Variants in CNBD1 observed in about 807,000 individuals in gnomAD.
CNBD1 encodes cyclic nucleotide binding domain containing 1.
In CNBD1, 71 loss-of-function variants were observed where a neutral mutation model predicts 54.4. The observed-to-expected ratio is 1.30, with a 90% CI of 1.08 to 1.59. The LOEUF (loss-of-function observed/expected upper bound fraction) is 1.59. Among genes scored for constraint, CNBD1 ranks in the 40% most tolerant of loss-of-function variants. The pLI is 0.00. For synonymous variants in CNBD1, 182 were observed against 170.7 expected, an observed-to-expected ratio of 1.07 and a Z score of -0.51; for missense variants, 659 against 518.0, an observed-to-expected ratio of 1.27 and a Z score of -2.64.
intron 4 of CNBD1, among the ~76,000 whole-genome samples, chr8:87,063,785 G>A (rs79198363): frequency 6.6e-6 from 1 of 151,838 alleles, no homozygotes; most frequent in Non-Finnish European, 1.5e-5. Flanking sequence ...TCTCTCAATA[G>A]AGTTTATAAT....
At chr8:87,001,180 G>T (rs1383263524) in intron 4 of CNBD1, among the ~76,000 whole-genome samples, 1 of 151,554 alleles carries the variant, frequency 6.6e-6, no homozygotes, top group African/African-American at 2.4e-5. Context: ...TTCTGTTATT[G>T]CTTTTATTTT....
At chr8:87,219,111 T>A (rs781179273) in intron 5 of CNBD1, among the ~76,000 whole-genome samples, 162 of 152,192 alleles carry the variant, frequency 1.1e-3, no homozygotes, top group Non-Finnish European at 2.1e-3. Flanking sequence ...TATATATTTT[T>A]AAATCTGACT....
chr8:87,421,736 C>A (rs1329368454), intron 2 of CNBD1, among the ~76,000 whole-genome samples: 1 of 148,222 alleles, frequency 6.7e-6, no homozygotes, highest in African/African-American at 2.5e-5. Context: ...AATAAACATA[C>A]GTGTGCATGT....
intron 4 of CNBD1, among the ~76,000 whole-genome samples, chr8:87,056,765 G>A (rs1810424649): frequency 6.6e-6 from 1 of 151,848 alleles, no homozygotes; most frequent in African/African-American, 2.4e-5. Flanking sequence ...ATATTTTAGA[G>A]GTAGAATTTT....
At chr8:87,040,949 A>G (rs1810054254) in intron 4 of CNBD1, among the ~76,000 whole-genome samples, 1 of 152,044 alleles carries the variant, frequency 6.6e-6, no homozygotes, top group African/African-American at 2.4e-5. Context: ...AGTTAAAATA[A>G]TTTATTGCCT....
intron 8 of CNBD1, among the ~76,000 whole-genome samples, chr8:87,347,586 G>A (rs745336705): frequency 2.0e-5 from 3 of 152,170 alleles, no homozygotes; most frequent in Admixed American, 6.5e-5. Flanking sequence ...AAGCTAGAAG[G>A]AGCAGTATAG....
chr8:87,224,166 C>T (rs1018633862), intron 5 of CNBD1, among the ~76,000 whole-genome samples: 27 of 151,884 alleles, frequency 1.8e-4, no homozygotes, highest in South Asian at 2.1e-4. Context: ...GGGTAGGTTG[C>T]GAAAATTTTC....
chr8:87,381,954 G>A (rs372959459), intron 10 of CNBD1, among the ~76,000 whole-genome samples: 2 of 151,784 alleles, frequency 1.3e-5, no homozygotes, highest in Non-Finnish European at 2.9e-5. Context: ...CAACAATATT[G>A]TATTGTACAC....
At chr8:87,159,650 T>C (rs1812815192) in intron 4 of CNBD1, among the ~76,000 whole-genome samples, 1 of 152,040 alleles carries the variant, frequency 6.6e-6, no homozygotes, top group Admixed American at 6.6e-5. Context: ...GGTGTGGAAA[T>C]TGCTCTTTTG....
intron 4 of CNBD1, among the ~76,000 whole-genome samples, chr8:86,999,500 G>A (rs1563853191): frequency 1.3e-5 from 2 of 151,282 alleles, no homozygotes; most frequent in South Asian, 4.2e-4. Context: ...CTTGGCTCCT[G>A]GCTGATTTTT....
intron 8 of CNBD1, among the ~76,000 whole-genome samples, chr8:87,325,401 G>T (rs9720861): frequency 0.85 from 61,927 of 72,672 alleles, 27,764 homozygotes; most frequent in African/African-American, 0.95. Context: ...TTGACAGTGG[G>T]GTGTTAAAGT....
chr8:86,978,373 A>G (rs937649068), intron 4 of CNBD1, among the ~76,000 whole-genome samples: 1 of 152,126 alleles, frequency 6.6e-6, no homozygotes, highest in African/African-American at 2.4e-5. Context: ...AAAAACAAAG[A>G]TAAATGAGAT....
At chr8:86,923,090 C>G (rs1809301490) in intron 3 of CNBD1, among the ~76,000 whole-genome samples, 1 of 152,052 alleles carries the variant, frequency 6.6e-6, no homozygotes, top group Non-Finnish European at 1.5e-5. Context: ...ACAAAACACA[C>G]AAATAAGGTA....
intron 4 of CNBD1, among the ~76,000 whole-genome samples, chr8:87,028,405 G>A (rs1471723273): frequency 6.6e-6 from 1 of 152,158 alleles, no homozygotes; most frequent in Non-Finnish European, 1.5e-5. Flanking sequence ...CATGAGCAAT[G>A]CTTTTCAAGT....
Position 87,188,763 on chromosome 8 carries a change from AT to A in CNBD1, c.432-17229del, listed in dbSNP as rs1364429175. Among the ~76,000 whole-genome samples the A allele has an allele frequency of 6.5e-3, 983 of 150,612 alleles. 8 individuals are homozygous for A. Among genetic ancestry groups the A allele is most frequent in the African/African-American group, 0.023 (940 of 40,606 alleles). On this transcript the variant is annotated intron_variant, in intron 4 of 10. Coordinates refer to ENST00000518476, the MANE Select transcript of CNBD1 (RefSeq NM_173538.3). Reference sequence around the variant, plus strand: ...GACTCCATCTCAAAAAAAAAAAAAAATAAAAATAAAAAATAAGTAAATAAAT... The same window carrying A: ...GACTCCATCTCAAAAAAAAAAAAAAAAAAAATAAAAAATAAGTAAATAAAT...
At chr8:87,304,747 A>T (rs13265899) in intron 8 of CNBD1, among the ~76,000 whole-genome samples, 5 of 152,148 alleles carry the variant, frequency 3.3e-5, no homozygotes, top group Admixed American at 3.3e-4. Context: ...ATGTCGGCAA[A>T]CAAGGGACAT....
chr8:87,411,397 CATATATATATATATAT>C (rs6150689), intron 2 of CNBD1, among the ~76,000 whole-genome samples: 2 of 92,408 alleles, frequency 2.2e-5, no homozygotes, highest in South Asian at 4.5e-4. Context: ...CTAGCTATAT[CATATATATATATATAT>C]ATATATATAT....
intron 6 of CNBD1, among the ~76,000 whole-genome samples, chr8:87,248,171 A>G (rs1807845195): frequency 6.6e-6 from 1 of 152,220 alleles, no homozygotes; most frequent in Non-Finnish European, 1.5e-5. Context: ...CTTGTTGTCA[A>G]CATTGGTAGA....
At chr8:87,293,263 G>C (rs1486993523) in intron 8 of CNBD1, among the ~76,000 whole-genome samples, 1 of 152,044 alleles carries the variant, frequency 6.6e-6, no homozygotes, top group Non-Finnish European at 1.5e-5. Context: ...CTTAAAGTCA[G>C]GCCGGACACA....
Sources: allele counts gnomAD v4.1 joint callset (sites outside exome capture counted in the v4.1 genomes callset), GRCh38; gene constraint gnomAD v4.1.1; transcripts MANE v1.5; gene names NCBI Gene and HGNC (gene_info 2026-07-23, HGNC 2026-07-21).